The following MYT1L variants were observed in gnomAD, a reference collection of about 807,000 sequenced individuals.
The protein encoded by MYT1L is myelin transcription factor 1 like, also known as myelin transcription factor 1-like protein.
In MYT1L, 12 loss-of-function variants were observed where a neutral mutation model predicts 126.7. The observed-to-expected ratio is 0.09, with a 90% CI of 0.06 to 0.15. The LOEUF is 0.15. Ranked by LOEUF, MYT1L falls within the 10% of genes least tolerant of loss-of-function variation. The pLI, the probability that MYT1L is intolerant of heterozygous loss-of-function variation, is 1.00. For missense variants in MYT1L, 979 were observed against 1,585.2 expected (o/e 0.62, Z 6.49); for synonymous variants, 541 against 604.2 (o/e 0.90, Z 1.53).
intron 2 of MYT1L, among the ~76,000 whole-genome samples, chr2:2,229,591 ATTTCT>A (rs2094110861): frequency 6.8e-6 from 1 of 147,952 alleles, no homozygotes; most frequent in Non-Finnish European, 1.5e-5. Flanking sequence ...ACAGGTGGAG[ATTTCT>A]TTTTTTTTCA....
At chr2:1,966,285 A>G (rs1413154384) in intron 8 of MYT1L, among the ~76,000 whole-genome samples, 3 of 152,262 alleles carry the variant, frequency 2.0e-5, no homozygotes, top group Admixed American at 1.3e-4. Context: ...TCTTTCTTCC[A>G]GAATTTTCTA....
At chr2:1,891,201 C>G (rs904635847) in intron 15 of MYT1L, among the ~76,000 whole-genome samples, 24 of 152,200 alleles carry the variant, frequency 1.6e-4, no homozygotes, top group Non-Finnish European at 2.9e-4. Flanking sequence ...CAAATATTTA[C>G]AAGAACCACT....
At chr2:2,102,248 T>C (rs781608949) in intron 3 of MYT1L, among the ~76,000 whole-genome samples, 1 of 152,230 alleles carries the variant, frequency 6.6e-6, no homozygotes, top group Non-Finnish European at 1.5e-5. Context: ...TGGTGCTTAA[T>C]AAATGTTTGT....
chr2:1,956,614 ATCT>A (rs2058487571), intron 8 of MYT1L, among the ~76,000 whole-genome samples: 1 of 148,782 alleles, frequency 6.7e-6, no homozygotes, highest in African/African-American at 2.5e-5. Context: ...CTATCTATCT[ATCT>A]ATCTACCTAC....
At chr2:1,870,611 G>C (rs2046159088) in intron 18 of MYT1L, among the ~76,000 whole-genome samples, 1 of 152,142 alleles carries the variant, frequency 6.6e-6, no homozygotes, top group Non-Finnish European at 1.5e-5. Flanking sequence ...ACAAGACCTG[G>C]CCAGGCAAGT....
intron 18 of MYT1L, among the ~76,000 whole-genome samples, chr2:1,874,907 G>A (rs3934844): frequency 0.21 from 32,070 of 152,076 alleles, 4,409 homozygotes; most frequent in African/African-American, 0.39. Flanking sequence ...GGAAGAGCCC[G>A]GAGCTTGGAC....
intron 2 of MYT1L, among the ~76,000 whole-genome samples, chr2:2,254,004 G>T (rs953105619): frequency 6.6e-6 from 1 of 152,144 alleles, no homozygotes; most frequent in Non-Finnish European, 1.5e-5. Context: ...TGCACCCCCA[G>T]CACACTATGT....
intron 3 of MYT1L, among the ~76,000 whole-genome samples, chr2:2,155,927 T>C (rs571729927): frequency 5.8e-4 from 89 of 152,308 alleles, no homozygotes; most frequent in African/African-American, 2.1e-3. Context: ...TTCACCTCGC[T>C]AAGCCCCACT....
chr2:2,073,760 C>A (rs1357271314), intron 3 of MYT1L, among the ~76,000 whole-genome samples: 1 of 152,166 alleles, frequency 6.6e-6, no homozygotes, highest in Non-Finnish European at 1.5e-5. Context: ...CGTTTGACTT[C>A]CTCTTGGAGC....
chr2:1,993,035 C>G (rs750635614), intron 5 of MYT1L, among the ~76,000 whole-genome samples: 4 of 152,170 alleles, frequency 2.6e-5, no homozygotes, highest in Non-Finnish European at 5.9e-5. Flanking sequence ...CATCCCTGAC[C>G]AATCAGCACT....
chr2:1,933,829 G>T (rs1036296658), intron 9 of MYT1L, among the ~76,000 whole-genome samples: 1 of 152,108 alleles, frequency 6.6e-6, no homozygotes, highest in African/African-American at 2.4e-5. Context: ...GGTGTGGCGA[G>T]GAAGTGAATT....
At chr2:2,277,415 A>G (rs1289242236) in intron 2 of MYT1L, among the ~76,000 whole-genome samples, 2 of 152,230 alleles carry the variant, frequency 1.3e-5, no homozygotes, top group Non-Finnish European at 2.9e-5. Flanking sequence ...AATGGATGAC[A>G]GGGTCCCACG....
chr2:1,831,780 A>G (rs568343732), intron 21 of MYT1L, among the ~76,000 whole-genome samples: 7 of 152,138 alleles, frequency 4.6e-5, no homozygotes, highest in Non-Finnish European at 8.8e-5. Flanking sequence ...TGTCTTCATC[A>G]CGGCCTCTCC....
chr2:2,244,349 T>C (rs536732132), intron 2 of MYT1L, among the ~76,000 whole-genome samples: 1 of 152,186 alleles, frequency 6.6e-6, no homozygotes, highest in Admixed American at 6.5e-5. Context: ...GATGGACTTA[T>C]GAGAAGGGAA....
intron 18 of MYT1L, among the ~76,000 whole-genome samples, chr2:1,853,072 T>G (rs2043477171): frequency 6.6e-6 from 1 of 152,232 alleles, no homozygotes; most frequent in Non-Finnish European, 1.5e-5. Flanking sequence ...TGTAAATGGT[T>G]TTCAGTACTC....
At chr2:2,174,003 G>A (rs574904038) in intron 2 of MYT1L, among the ~76,000 whole-genome samples, 2 of 152,212 alleles carry the variant, frequency 1.3e-5, no homozygotes, top group East Asian at 3.9e-4. Flanking sequence ...CCAATAAAAT[G>A]CAACCATAAC....
chr2:1,832,649 C>T (rs573778318), intron 21 of MYT1L, among the ~76,000 whole-genome samples: 2 of 152,316 alleles, frequency 1.3e-5, no homozygotes, highest in Non-Finnish European at 2.9e-5. Flanking sequence ...TCCATTCCAG[C>T]TCTCCTCCGC....
At chr2:2,184,811 T>C (rs1405721903) in intron 2 of MYT1L, among the ~76,000 whole-genome samples, 2 of 152,168 alleles carry the variant, frequency 1.3e-5, no homozygotes, top group Non-Finnish European at 2.9e-5. Context: ...GAGAGACTCC[T>C]GCCTAAATCG....
At chr2:2,236,793 CTTCTTCTTCTTCTTCTTCTTCT>C (rs2094325528) in intron 2 of MYT1L, among the ~76,000 whole-genome samples, 2 of 15,974 alleles carry the variant, frequency 1.3e-4, no homozygotes, top group African/African-American at 1.1e-3. Context: ...TCTTCTTCTT[CTTCTTCTTCTTCTTCTTCTTCT>C]TTTTTTTTTT....
Sources: allele counts gnomAD v4.1 joint callset (sites outside exome capture counted in the v4.1 genomes callset), GRCh38; gene constraint gnomAD v4.1.1; transcripts MANE v1.5; gene names NCBI Gene and HGNC (gene_info 2026-07-23, HGNC 2026-07-21).